Variants in SLCO1B3 observed in about 807,000 individuals in gnomAD.
SLCO1B3 encodes liver-specific organic anion transporter 2.
A neutral mutation model predicts 71.8 loss-of-function variants in SLCO1B3; 72 were observed. The observed-to-expected ratio is 1.00, with a 90% CI of 0.83 to 1.22. SLCO1B3 has a LOEUF of 1.22. SLCO1B3 is among the 50% of genes most tolerant of loss of function. The probability of loss-of-function intolerance (pLI) is 0.00; values close to 1 mark genes in which losing one functional copy is unlikely to be tolerated. For missense variants in SLCO1B3, 911 were observed against 819.7 expected (o/e 1.11, Z -1.36); for synonymous variants, 298 against 278.4 (o/e 1.07, Z -0.70).
At chr12:20,899,744 T>A (rs907736353) in intron 14 of SLCO1B3, among the ~76,000 whole-genome samples, 2 of 152,164 alleles carry the variant, frequency 1.3e-5, no homozygotes, top group African/African-American at 4.8e-5. Flanking sequence ...CCTTCTGATA[T>A]GTTGAAATGA....
chr12:20,859,677 C>T (rs1248463916), intron 5 of SLCO1B3, among the ~76,000 whole-genome samples: 1 of 151,902 alleles, frequency 6.6e-6, no homozygotes, highest in Non-Finnish European at 1.5e-5. Context: ...ATATCTTATT[C>T]TTCATTATTT....
At chr12:20,888,804 A>G (rs986048925) in intron 13 of SLCO1B3, among the ~76,000 whole-genome samples, 43 of 152,146 alleles carry the variant, frequency 2.8e-4, no homozygotes, top group African/African-American at 9.6e-4. Context: ...TCCCCCATTC[A>G]GTATGTTATT....
intron 8 of SLCO1B3, among the ~76,000 whole-genome samples, chr12:20,870,781 G>A (rs1169847334): frequency 1.3e-5 from 2 of 152,092 alleles, no homozygotes; most frequent in Admixed American, 6.6e-5. Context: ...TCTTTCTCAA[G>A]GTTGCTTTGG....
intron 4 of SLCO1B3, among the ~76,000 whole-genome samples, chr12:20,856,334 C>A (rs1328210803): frequency 6.6e-6 from 1 of 152,068 alleles, no homozygotes; most frequent in African/African-American, 2.4e-5. Flanking sequence ...GTATAGATGA[C>A]CCTCTGTATC....
At chr12:20,824,315 A>G (rs1864378601) in intron 3 of SLCO1B3, among the ~76,000 whole-genome samples, 1 of 152,214 alleles carries the variant, frequency 6.6e-6, no homozygotes, top group African/African-American at 2.4e-5. Context: ...TGTTCTGCTC[A>G]ATATTGGATC....
rs753277905 is a variant in SLCO1B3 at position 20,901,434 on chromosome 12, G to C, written c.1832G>C (p.Gly611Ala). The change falls in exon 15 of 16, where the codon GGG (glycine) becomes GCG (alanine). Residue 611 changes from glycine to alanine, a missense_variant. Gly to Ala is a moderately conservative substitution (Grantham distance 60). Transcript: ENST00000381545. ...KWSTNSCGAQ[G>A]ACRIYNSVFF... ...TCCACCAACAGCTGTGGAGCACAAG[G>C]GGCTTGTAGGATATATAATTCCGTA... 8.9e-6 allele frequency: 14 copies of C among 1,569,142 alleles called. No individual in the cohort carries two copies. In the African/African-American group the frequency reaches 1.4e-4, roughly 15 times the overall value.
At chr12:20,882,942 T>G (rs1345141234) in intron 12 of SLCO1B3, among the ~76,000 whole-genome samples, 1 of 152,200 alleles carries the variant, frequency 6.6e-6, no homozygotes, top group Non-Finnish European at 1.5e-5. Flanking sequence ...TCTTGTCACC[T>G]GTCATTATGG....
rs371916709 is a variant in SLCO1B3 at position 20,876,640 on chromosome 12, C to A, written c.971-1132C>A. Among the ~76,000 whole-genome samples, 124 of 152,148 alleles carry A rather than the reference C, an allele frequency of 8.1e-4. 2 individuals carry two copies. In the South Asian group the frequency reaches 0.025, roughly 31 times the overall value. ...AAATTGTCCATGGTAGGAGAATTTACCGTCATGTATTACCATGGAAATTGA... is the reference window on the plus strand; with the variant it reads ...AAATTGTCCATGGTAGGAGAATTTAACGTCATGTATTACCATGGAAATTGA... On this transcript the variant is annotated intron_variant, in intron 9 of 15. Coordinates refer to ENST00000381545, the MANE Select transcript of SLCO1B3 (RefSeq NM_019844.4).
intron 13 of SLCO1B3, among the ~76,000 whole-genome samples, chr12:20,894,399 T>C (rs534273657): frequency 6.6e-6 from 1 of 152,258 alleles, no homozygotes; most frequent in East Asian, 1.9e-4. Context: ...GTGATTGTTA[T>C]TGTATATGAA....
chr12:20,819,673 G>C (rs1450027534), intron 3 of SLCO1B3, among the ~76,000 whole-genome samples: 1 of 152,142 alleles, frequency 6.6e-6, no homozygotes, highest in Non-Finnish European at 1.5e-5. Context: ...TGTAAGGAGA[G>C]TTTATAGGCT....
chr12:20,825,798 C>CAAA (rs3060437), intron 3 of SLCO1B3, among the ~76,000 whole-genome samples: 8,770 of 85,976 alleles, frequency 0.1, 391 homozygotes, highest in Non-Finnish European at 0.14. Flanking sequence ...GACTCTGTCT[C>CAAA]AAAAAAAAAA....
Position 20,877,582 on chromosome 12 carries a change from C to T in SLCO1B3, c.971-190C>T, listed in dbSNP as rs1478550856. Among the ~76,000 whole-genome samples the T allele has an allele frequency of 5.9e-5, 9 of 152,074 alleles. 1 individual carries two copies. The East Asian group carries it at 1.7e-3, about 29-fold the overall frequency. On this transcript the variant is annotated intron_variant, in intron 9 of 15. Coordinates refer to ENST00000381545, the MANE Select transcript of SLCO1B3 (RefSeq NM_019844.4). ...GTTCAGTTTAGATGACATCTGAGTT[C>T]CTATTTACCTCAAAAATTTAACAAT...
intron 14 of SLCO1B3, among the ~76,000 whole-genome samples, chr12:20,899,340 C>T (rs1278060537): frequency 2.0e-5 from 3 of 152,192 alleles, no homozygotes; most frequent in South Asian, 4.1e-4. Flanking sequence ...CATCATTCAT[C>T]TAGGGATTGG....
chr12:20,840,602 A>G (rs1209369091), intron 3 of SLCO1B3, among the ~76,000 whole-genome samples: 1 of 152,036 alleles, frequency 6.6e-6, no homozygotes, highest in Admixed American at 6.6e-5. Context: ...CATCTTGGCC[A>G]GGCTGGTCTT....
intron 3 of SLCO1B3, among the ~76,000 whole-genome samples, chr12:20,826,282 A>G (rs1025093224): frequency 6.6e-6 from 1 of 152,128 alleles, no homozygotes; most frequent in Non-Finnish European, 1.5e-5. Flanking sequence ...GAAAAAAATT[A>G]CAGAAGCTAT....
chr12:20,909,906 A>C (rs1389133183), intron 15 of SLCO1B3, among the ~76,000 whole-genome samples: 1 of 152,064 alleles, frequency 6.6e-6, no homozygotes, highest in African/African-American at 2.4e-5. Context: ...ATGATTTGTG[A>C]ATGTTGAACC....
intron 3 of SLCO1B3, among the ~76,000 whole-genome samples, chr12:20,817,460 C>T (rs1262787550): frequency 6.6e-6 from 1 of 152,118 alleles, no homozygotes; most frequent in East Asian, 1.9e-4. Flanking sequence ...TTGAATGTTC[C>T]TGGCACCTTT....
chr12:20,821,798 T>C lies in SLCO1B3; in HGVS notation c.84+5976T>C, dbSNP rs572818193. The stretch of plus-strand genomic sequence containing the variant: ...CTGACACCTTTGAAATGTGGGTGAA[T>C]AATCAGAGAGGCATCCCTGCAATGA... On this transcript the variant is annotated intron_variant, in intron 3 of 15. Transcript: ENST00000381545. Among the ~76,000 whole-genome samples the C allele has an allele frequency of 1.1e-3, 162 of 152,234 alleles. 4 individuals carry two copies. The South Asian group carries it at 0.033, about 31-fold the overall frequency.
At chr12:20,843,737 T>C (rs1001266370) in intron 3 of SLCO1B3, among the ~76,000 whole-genome samples, 4 of 151,610 alleles carry the variant, frequency 2.6e-5, no homozygotes, top group African/African-American at 9.7e-5. Flanking sequence ...GCTGAGATTG[T>C]GTCACTGCAC....
Sources: gnomAD v4.1 joint callset for allele counts (sites outside exome capture counted in the v4.1 genomes callset) on GRCh38, gnomAD v4.1.1 for gene constraint, MANE v1.5 for transcripts, NCBI Gene and HGNC (gene_info 2026-07-23, HGNC 2026-07-21) for gene names.